The following CTCFL variants were observed in gnomAD, a reference collection of about 807,000 sequenced individuals.
CTCFL encodes CCCTC-binding factor like, also known as transcriptional repressor CTCFL.
A neutral mutation model predicts 67.4 loss-of-function variants in CTCFL; 36 were observed. The ratio of observed to expected loss-of-function variants is 0.53; its 90% confidence interval spans 0.41 to 0.71. The LOEUF (loss-of-function observed/expected upper bound fraction) is 0.71. Ranked by LOEUF, CTCFL falls within the 30% of genes least tolerant of loss-of-function variation. CTCFL has a pLI of 0.00. For missense variants in CTCFL, 786 were observed against 835.2 expected (o/e 0.94, Z 0.73); for synonymous variants, 324 against 302.3 (o/e 1.07, Z -0.75).
At chr20:57,517,587 G>A (rs999713643) in intron 5 of CTCFL, among the ~76,000 whole-genome samples, 3 of 152,070 alleles carry the variant, frequency 2.0e-5, no homozygotes, top group African/African-American at 7.2e-5. Flanking sequence ...CAATTCAAAA[G>A]CTTTTTTAAA....
rs2067738923 is a variant in CTCFL at position 57,497,437 on chromosome 20, T to C, written c.*1113A>G. ...AATAAAAGGTCCATATCTTAAGAAT[T>C]TGAATTTAGGGCTTATCAATGATCT... On this transcript the variant is annotated 3_prime_UTR_variant, in exon 11 of 11. Transcript: ENST00000243914. 2.0e-6 allele frequency: 2 copies of C among 985,276 alleles called. No homozygotes were observed. Among genetic ancestry groups the C allele is most frequent in the African/African-American group, 1.7e-5 (1 of 57,216 alleles). The allele number at this position is 985,276 out of a possible 1,614,324, so 61.0% of individuals were successfully genotyped here.
intron 1 of CTCFL, 105 bp downstream of exon 1, chr20:57,524,923 G>A (rs2069758286): frequency 5.0e-6 from 1 of 199,850 alleles, no homozygotes; most frequent in Non-Finnish European, 8.3e-6. Flanking sequence ...AGCGTCTGCC[G>A]CCCGCCCTTG....
intron 10 of CTCFL, among the ~76,000 whole-genome samples, chr20:57,500,978 C>G (rs1283804213): frequency 2.0e-5 from 3 of 152,240 alleles, no homozygotes; most frequent in African/African-American, 4.8e-5. Context: ...CCTTTAGGAT[C>G]TGACTTAAAC....
chr20:57,511,285 C>G (rs1462410647), intron 8 of CTCFL, among the ~76,000 whole-genome samples: 1 of 152,090 alleles, frequency 6.6e-6, no homozygotes, highest in Non-Finnish European at 1.5e-5. Context: ...ACAGTTCTGT[C>G]CATCTCGGCC....
intron 7 of CTCFL, among the ~76,000 whole-genome samples, chr20:57,513,084 C>G (rs1040390879): frequency 1.3e-5 from 2 of 152,112 alleles, no homozygotes; most frequent in Non-Finnish European, 2.9e-5. Context: ...TTTTAATACT[C>G]TCGGTATGGA....
intron 10 of CTCFL, among the ~76,000 whole-genome samples, chr20:57,503,143 T>C (rs1385240702): frequency 1.3e-5 from 2 of 152,252 alleles, no homozygotes; most frequent in Non-Finnish European, 2.9e-5. Context: ...TGTGGTCATC[T>C]ATTGCAACAG....
chr20:57,496,054 C>T (rs771737928), downstream of CTCFL: 36 of 397,202 alleles, frequency 9.1e-5, no homozygotes, highest in Non-Finnish European at 1.4e-4. Flanking sequence ...ATATTTGTCC[C>T]TGGCCAAAGC....
At position 57,524,164 on chromosome 20, in the gene CTCFL, G is replaced by C. The variant is rs149927702; in HGVS notation, c.42C>G (p.Thr14=). Residue 14 remains threonine (T), a synonymous_variant, in exon 2 of 11, where the codon ACC becomes ACG. Coordinates refer to ENST00000243914, the MANE Select transcript of CTCFL (RefSeq NM_001386993.1). ...TEISVLSEQF[T]KIKELELMPE... Reference sequence around the variant, plus strand: ...GCATCAACTCGAGTTCTTTGATCTTGGTGAATTGCTCAGAAAGGACAGAGA... The same window carrying C: ...GCATCAACTCGAGTTCTTTGATCTTCGTGAATTGCTCAGAAAGGACAGAGA... 6 of 1,613,280 alleles carry C rather than the reference G, an allele frequency of 3.7e-6. No individual in the cohort carries two copies. Among genetic ancestry groups the C allele is most frequent in the Non-Finnish European group, 4.2e-6 (5 of 1,179,964 alleles).
intron 3 of CTCFL, among the ~76,000 whole-genome samples, chr20:57,522,487 A>G (rs2069453832): frequency 6.6e-6 from 1 of 152,140 alleles, no homozygotes; most frequent in Non-Finnish European, 1.5e-5. Context: ...GGGTCTTCCT[A>G]ATCTGGACCC....
At chr20:57,511,260 G>A (rs952307926) in intron 8 of CTCFL, among the ~76,000 whole-genome samples, 10 of 152,040 alleles carry the variant, frequency 6.6e-5, no homozygotes, top group Non-Finnish European at 1.2e-4. Context: ...GGTTGGTCTT[G>A]AATTCCTGAG....
intron 1 of CTCFL, chr20:57,524,687 C>A: frequency 1.0e-6 from 1 of 998,064 alleles, no homozygotes. Context: ...GCACACCCGG[C>A]GCCCAGCGAG....
At chr20:57,513,139 A>G in intron 7 of CTCFL, 1 of 563,744 alleles carries the variant, frequency 1.8e-6, no homozygotes, top group Non-Finnish European at 2.3e-6. Context: ...TAAAATGTTC[A>G]TTGAACAAAG....
At chr20:57,512,866 T>A in intron 7 of CTCFL, 114 bp from the exon 8 acceptor site, 2 of 971,492 alleles carry the variant, frequency 2.1e-6, no homozygotes, top group Non-Finnish European at 3.1e-6. Context: ...TGCTAGTTCC[T>A]TCCTGGGCAG....
chr20:57,518,245 A>G (rs888042371), intron 5 of CTCFL, among the ~76,000 whole-genome samples: 12 of 152,236 alleles, frequency 7.9e-5, no homozygotes, highest in Non-Finnish European at 1.6e-4. Flanking sequence ...ACCTGTTAGA[A>G]GGTACAAATA....
chr20:57,496,241 C>A, downstream of CTCFL: 1 of 655,750 alleles, frequency 1.5e-6, no homozygotes, highest in Non-Finnish European at 2.8e-6. Flanking sequence ...CCCTCTCTCG[C>A]TCCTGCTTTC....
downstream of CTCFL, chr20:57,496,025 A>T (rs1435366933): frequency 2.6e-6 from 1 of 389,020 alleles, no homozygotes; most frequent in Non-Finnish European, 4.5e-6. Flanking sequence ...GTTGTAGTAA[A>T]ATACATGATA....
In CTCFL at chr20:57,497,912, C is replaced by T. The variant is rs1335242812; in HGVS notation, c.*638G>A. On this transcript the variant is annotated 3_prime_UTR_variant, in exon 11 of 11. Transcript: ENST00000243914. Reference sequence around the variant, plus strand: ...GTAAAATCGATTTATTCCTTATTTTCTAGTCTAATCTAGTATTTCATTTCC... The same window carrying T: ...GTAAAATCGATTTATTCCTTATTTTTTAGTCTAATCTAGTATTTCATTTCC... The T allele has an allele frequency of 1.5e-5, 14 of 948,030 alleles. No homozygotes were observed. The highest frequency in any genetic ancestry group is 1.8e-5 in the Non-Finnish European group (14 of 796,198). The allele number at this position is 948,030 out of a possible 1,614,324, so 58.7% of individuals were successfully genotyped here.
downstream of CTCFL, among the ~76,000 whole-genome samples, chr20:57,496,721 G>T (rs1431128961): frequency 2.0e-5 from 3 of 152,176 alleles, no homozygotes; most frequent in Non-Finnish European, 4.4e-5. Context: ...GTGACTAGCT[G>T]ATTTCACTCA....
intron 5 of CTCFL, 116 bp downstream of exon 5, chr20:57,518,642 T>C (rs2069103894): frequency 6.3e-7 from 1 of 1,578,320 alleles, no homozygotes; most frequent in South Asian, 1.1e-5. Context: ...ATAAATTTTA[T>C]ATGAATAATA....
Sources: gnomAD v4.1 joint callset for allele counts (sites outside exome capture counted in the v4.1 genomes callset) on GRCh38, gnomAD v4.1.1 for gene constraint, MANE v1.5 for transcripts, NCBI Gene and HGNC (gene_info 2026-07-23, HGNC 2026-07-21) for gene names.